Variants in RALGAPA2 observed in about 807,000 individuals in gnomAD.
The protein encoded by RALGAPA2 is ral GTPase-activating protein subunit alpha-2.
In RALGAPA2, 139 loss-of-function variants were observed where a neutral mutation model predicts 230.4. The ratio of observed to expected loss-of-function variants is 0.60; its 90% CI spans 0.53 to 0.69. The LOEUF (loss-of-function observed/expected upper bound fraction) is 0.69, where lower values mean the gene tolerates loss of function less well. Among genes scored for constraint, RALGAPA2 ranks in the 30% least tolerant of loss-of-function variants. RALGAPA2 has a pLI of 0.00. For missense variants in RALGAPA2, 2,163 were observed against 2,276.0 expected, an observed-to-expected ratio of 0.95 and a Z score of 1.01; for synonymous variants, 847 against 837.8, an observed-to-expected ratio of 1.01 and a Z score of -0.19.
chr20:20,578,547 C>A (rs1334014281), intron 20 of RALGAPA2, among the ~76,000 whole-genome samples: 1 of 151,974 alleles, frequency 6.6e-6, no homozygotes. Flanking sequence ...TAGAACTTTG[C>A]AAATATAGAA....
chr20:20,658,414 G>A (rs1327441560), intron 3 of RALGAPA2, among the ~76,000 whole-genome samples: 2 of 152,238 alleles, frequency 1.3e-5, no homozygotes, highest in Admixed American at 1.3e-4. Flanking sequence ...AATACAATCT[G>A]GCATTTCTTC....
intron 13 of RALGAPA2, among the ~76,000 whole-genome samples, chr20:20,612,601 T>C (rs1408034219): frequency 6.6e-6 from 1 of 152,158 alleles, no homozygotes; most frequent in African/African-American, 2.4e-5. Flanking sequence ...CCCAGAGTCA[T>C]CTGTTGTTAT....
chr20:20,568,280 A>C (rs1467085117), intron 23 of RALGAPA2, among the ~76,000 whole-genome samples: 3 of 152,230 alleles, frequency 2.0e-5, no homozygotes, highest in Non-Finnish European at 4.4e-5. Context: ...ACACCAATCA[A>C]CCACGAACCC....
chr20:20,505,590 A>C (rs886802444), intron 33 of RALGAPA2, 56 bp from the exon 34 acceptor site: 2 of 1,404,654 alleles, frequency 1.4e-6, no homozygotes, highest in Non-Finnish European at 1.9e-6. Flanking sequence ...ATTTTACTTC[A>C]CTACTATTAA....
rs1569418357 is a variant in RALGAPA2, at chr20:20,458,871, TATATACACAC to T, written c.5495+13948_5495+13957del. ...ATATATAGACCTATATATATATATA[TATATACACAC>T]ACACAAATAAATAAAATATATATAT... On this transcript the variant is annotated intron_variant, in intron 37 of 39. Coordinates refer to ENST00000202677, the MANE Select transcript of RALGAPA2 (RefSeq NM_020343.4). 2.8e-3 allele frequency among the ~76,000 whole-genome samples: 288 copies of T among 103,602 alleles called. 12 individuals are homozygous for T. Among genetic ancestry groups the T allele is most frequent in the East Asian group, 0.023 (82 of 3,510 alleles). 68.0% of individuals were successfully genotyped at this position (103,602 alleles called of 152,430 possible).
At chr20:20,600,824 G>A (rs566869240) in intron 16 of RALGAPA2, among the ~76,000 whole-genome samples, 4 of 152,280 alleles carry the variant, frequency 2.6e-5, no homozygotes, top group Admixed American at 6.5e-5. Flanking sequence ...AATGTAGGGC[G>A]GGCGCAGTGG....
chr20:20,479,453 G>T (rs1030500108), intron 36 of RALGAPA2, among the ~76,000 whole-genome samples: 1 of 152,076 alleles, frequency 6.6e-6, no homozygotes, highest in African/African-American at 2.4e-5. Context: ...ACCAAGTCGG[G>T]TATATCCCAA....
chr20:20,627,155 G>C (rs184651741), intron 10 of RALGAPA2, among the ~76,000 whole-genome samples: 325 of 152,256 alleles, frequency 2.1e-3, no homozygotes, highest in African/African-American at 7.1e-3. Flanking sequence ...AGAAGGATGG[G>C]AGCTCCAAGG....
intron 3 of RALGAPA2, among the ~76,000 whole-genome samples, chr20:20,667,034 A>G (rs2067977382): frequency 6.6e-6 from 1 of 152,230 alleles, no homozygotes; most frequent in Non-Finnish European, 1.5e-5. Context: ...CACTATTAGT[A>G]TCTGAAGTAA....
In RALGAPA2 at chr20:20,712,498, G is replaced by A. The variant is rs1191482934; in HGVS notation, c.-18C>T. 6.5e-7 allele frequency: 1 copy of A among 1,540,706 alleles called. No homozygotes were observed. The highest frequency in any genetic ancestry group is 8.8e-7 in the Non-Finnish European group (1 of 1,142,532). On this transcript the variant is annotated 5_prime_UTR_variant, in exon 1 of 40. Coordinates refer to ENST00000202677, the MANE Select transcript of RALGAPA2 (RefSeq NM_020343.4). The surrounding 1 kb of genome is among the most constrained non-coding windows in gnomAD (Gnocchi z 5.5). Reference sequence around the variant, plus strand: ...GAGAACATCCCGCGGCAGGAAGCCCGGGCCCCGCCGGCGGGGCAGTAGGCG... The same window carrying A: ...GAGAACATCCCGCGGCAGGAAGCCCAGGCCCCGCCGGCGGGGCAGTAGGCG...
At chr20:20,601,578 G>T in intron 16 of RALGAPA2, 104 bp downstream of exon 16, 3 of 1,125,054 alleles carry the variant, frequency 2.7e-6, no homozygotes, top group Non-Finnish European at 3.7e-6. Context: ...TTAATATAAG[G>T]TCTAATATTT....
chr20:20,422,772 C>T (rs1223874162), intron 37 of RALGAPA2, among the ~76,000 whole-genome samples: 1 of 152,186 alleles, frequency 6.6e-6, no homozygotes, highest in Non-Finnish European at 1.5e-5. Flanking sequence ...AGACCATGTG[C>T]CGCGACTGTT....
chr20:20,451,353 C>T (rs1218647177), intron 37 of RALGAPA2, among the ~76,000 whole-genome samples: 2 of 152,100 alleles, frequency 1.3e-5, no homozygotes, highest in African/African-American at 4.8e-5. Flanking sequence ...GAGTGTCTAG[C>T]CTGCTCCCCA....
intron 4 of RALGAPA2, among the ~76,000 whole-genome samples, chr20:20,648,942 G>A (rs1255498101): frequency 4.6e-5 from 7 of 152,174 alleles, no homozygotes; most frequent in Non-Finnish European, 1.0e-4. Context: ...TCAGGGAGGT[G>A]AAAGAAAGAG....
At position 20,637,370 on chromosome 20, in the gene RALGAPA2, A is replaced by G; in HGVS notation, c.798T>C (p.Pro266=). ...SFTKLTNIYK[P]VLDIPHLRPK... ...GGCTCCAACAGTACTTACCAAGTAC[A>G]GGTTTGTAGATGTTTGTTAACTTAG... The change falls in exon 8 of 40, where the codon CCT becomes CCC. Residue 266 remains proline, a synonymous_variant. Transcript: ENST00000202677. 1 of 1,599,236 alleles carries G rather than the reference A, an allele frequency of 6.3e-7. No homozygotes were observed. The highest frequency in any genetic ancestry group is 8.5e-7 in the Non-Finnish European group (1 of 1,171,320).
At chr20:20,525,305 CT>C (rs1257641590) in intron 28 of RALGAPA2, among the ~76,000 whole-genome samples, 1 of 152,180 alleles carries the variant, frequency 6.6e-6, no homozygotes, top group Non-Finnish European at 1.5e-5. Flanking sequence ...AACAGCACCC[CT>C]TTTATTCTCA....
intron 36 of RALGAPA2, among the ~76,000 whole-genome samples, chr20:20,478,532 T>C (rs1359244882): frequency 1.3e-5 from 2 of 151,584 alleles, no homozygotes; most frequent in Non-Finnish European, 1.5e-5. Context: ...TGCAGCAACA[T>C]GGATGCAGCT....
At chr20:20,670,949 CAAAAAAAAAAAA>C (rs576675004) in intron 3 of RALGAPA2, among the ~76,000 whole-genome samples, 2 of 55,922 alleles carry the variant, frequency 3.6e-5, no homozygotes, top group South Asian at 1.2e-3. Context: ...GACTCCGTCT[CAAAAAAAAAAAA>C]AAAAAAAAAT....
intron 9 of RALGAPA2, among the ~76,000 whole-genome samples, chr20:20,631,325 C>T (rs2066666786): frequency 6.6e-6 from 1 of 152,176 alleles, no homozygotes; most frequent in South Asian, 2.1e-4. Flanking sequence ...ATGACTTCCC[C>T]AAGGATGTCC....
Sources: gnomAD v4.1 joint callset for allele counts (sites outside exome capture counted in the v4.1 genomes callset) on GRCh38, gnomAD v4.1.1 for gene constraint, Gnocchi (gnomAD v3.1) non-coding constraint, MANE v1.5 for transcripts, NCBI Gene and HGNC (gene_info 2026-07-23, HGNC 2026-07-21) for gene names.